The following PDGFD variants were observed in gnomAD, a reference collection of about 807,000 sequenced individuals.
PDGFD encodes platelet derived growth factor D, also known as platelet-derived growth factor D.
A neutral mutation model predicts 44.7 loss-of-function variants in PDGFD; 30 were observed. The ratio of observed to expected loss-of-function variants is 0.67; its 90% CI spans 0.50 to 0.91. PDGFD has a LOEUF of 0.91. Among genes scored for constraint, PDGFD ranks in the 40% least tolerant of loss-of-function variants. The pLI, the probability that PDGFD is intolerant of heterozygous loss-of-function variation, is 0.00. For missense variants in PDGFD, 445 were observed against 457.8 expected, an observed-to-expected ratio of 0.97 and a Z score of 0.25; for synonymous variants, 173 against 168.4, an observed-to-expected ratio of 1.03 and a Z score of -0.21.
intron 1 of PDGFD, among the ~76,000 whole-genome samples, chr11:104,143,126 A>T (rs1862110441): frequency 6.6e-6 from 1 of 152,012 alleles, no homozygotes; most frequent in African/African-American, 2.4e-5. Flanking sequence ...GTATGAAAAA[A>T]TTTTCTTTAT....
chr11:104,081,198 G>T (rs1411075917), intron 1 of PDGFD, among the ~76,000 whole-genome samples: 1 of 151,986 alleles, frequency 6.6e-6, no homozygotes, highest in East Asian at 1.9e-4. Context: ...AGGGTATTTT[G>T]TTATATGCAA....
At chr11:104,026,777 T>C (rs2134386260) in intron 1 of PDGFD, among the ~76,000 whole-genome samples, 1 of 152,338 alleles carries the variant, frequency 6.6e-6, no homozygotes, top group African/African-American at 2.4e-5. Flanking sequence ...GGGATTTGGT[T>C]TTTTAAAAAA....
chr11:104,162,685 A>G (rs1480609577), intron 1 of PDGFD, among the ~76,000 whole-genome samples: 1 of 152,160 alleles, frequency 6.6e-6, no homozygotes, highest in African/African-American at 2.4e-5. Flanking sequence ...AAAGTCCAAA[A>G]GTCATTTAGT....
intron 1 of PDGFD, among the ~76,000 whole-genome samples, chr11:104,039,734 T>C (rs894562262): frequency 2.0e-5 from 3 of 152,160 alleles, no homozygotes; most frequent in Non-Finnish European, 2.9e-5. Context: ...AAAATGCTTA[T>C]GAATAAATTT....
At chr11:103,995,841 T>C (rs1859526598) in intron 3 of PDGFD, among the ~76,000 whole-genome samples, 1 of 152,236 alleles carries the variant, frequency 6.6e-6, no homozygotes. Flanking sequence ...CTATGTACTA[T>C]GATCTCTTTC....
chr11:104,053,797 T>C (rs557643979), intron 1 of PDGFD, among the ~76,000 whole-genome samples: 1 of 152,244 alleles, frequency 6.6e-6, no homozygotes, highest in African/African-American at 2.4e-5. Flanking sequence ...TCTGTAAAAT[T>C]TGATGAATCT....
At chr11:103,919,602 G>A (rs959210964) in intron 6 of PDGFD, among the ~76,000 whole-genome samples, 14 of 135,818 alleles carry the variant, frequency 1.0e-4, no homozygotes, top group Non-Finnish European at 1.8e-4. Context: ...TCCACCTCCC[G>A]GGTTCAAGTG....
At chr11:104,155,211 C>T (rs1268322623) in intron 1 of PDGFD, among the ~76,000 whole-genome samples, 1 of 152,184 alleles carries the variant, frequency 6.6e-6, no homozygotes, top group Non-Finnish European at 1.5e-5. Flanking sequence ...GAAATACATA[C>T]ATACTTAAGG....
Position 103,909,710 on chromosome 11 carries a change from G to C in PDGFD, c.1097C>G (p.Ser366Ter). 6.2e-7 allele frequency: 1 copy of C among 1,614,028 alleles called. No individual in the cohort carries two copies. Among genetic ancestry groups the C allele is most frequent in the Non-Finnish European group, 8.5e-7 (1 of 1,179,918 alleles). ...HHERCDCICS[S>*]RPPR The stretch of plus-strand genomic sequence containing the variant: ...CACATTCTCTTATCGAGGTGGTCTT[G>C]AGCTGCAGATACAATCACATCGTTC... Residue 366 changes from serine (S) to a stop codon, truncating the protein, a stop_gained, in exon 7 of 7, where the codon TCA becomes TGA. Coordinates refer to ENST00000393158, the MANE Select transcript of PDGFD (RefSeq NM_025208.5). LOFTEE classifies it high-confidence loss of function.
intron 4 of PDGFD, among the ~76,000 whole-genome samples, chr11:103,944,112 AGAT>A (rs1247585094): frequency 1.3e-5 from 2 of 152,154 alleles, no homozygotes; most frequent in Non-Finnish European, 2.9e-5. Context: ...CTGGCATTGC[AGAT>A]GATGTGTGAG....
chr11:104,066,910 C>T (rs1425145129), intron 1 of PDGFD, among the ~76,000 whole-genome samples: 1 of 152,216 alleles, frequency 6.6e-6, no homozygotes, highest in East Asian at 1.9e-4. Context: ...TGTACATCTC[C>T]AAATACTTGC....
At chr11:104,130,054 G>A (rs192803606) in intron 1 of PDGFD, among the ~76,000 whole-genome samples, 2 of 150,464 alleles carry the variant, frequency 1.3e-5, no homozygotes, top group South Asian at 2.1e-4. Flanking sequence ...ACTCAGCATA[G>A]GGAATTAAAG....
intron 3 of PDGFD, among the ~76,000 whole-genome samples, chr11:103,965,678 A>T (rs1278979124): frequency 6.6e-6 from 1 of 152,334 alleles, no homozygotes; most frequent in Middle Eastern, 3.4e-3. Flanking sequence ...TCCAGCTCAC[A>T]ACGTCTATCA....
At chr11:104,138,757 C>G (rs1278027012) in intron 1 of PDGFD, among the ~76,000 whole-genome samples, 6 of 152,088 alleles carry the variant, frequency 3.9e-5, no homozygotes. Context: ...ACATAGGGTA[C>G]AGTATGGAGT....
intron 2 of PDGFD, 68 bp downstream of exon 2, chr11:103,999,983 T>C (rs1465147618): frequency 3.0e-6 from 4 of 1,354,350 alleles, no homozygotes; most frequent in African/African-American, 2.9e-5. Flanking sequence ...TTTGATACGA[T>C]GCTTTAAATT....
intron 1 of PDGFD, among the ~76,000 whole-genome samples, chr11:104,158,746 T>C (rs1409274022): frequency 2.0e-5 from 3 of 151,816 alleles, no homozygotes; most frequent in African/African-American, 7.3e-5. Context: ...GGAAGGAGAA[T>C]GGCGTGAACC....
intron 1 of PDGFD, among the ~76,000 whole-genome samples, chr11:104,133,761 T>G (rs1448452111): frequency 6.6e-6 from 1 of 152,182 alleles, no homozygotes; most frequent in Non-Finnish European, 1.5e-5. Flanking sequence ...GAGTATTTTA[T>G]AAGTTCCAGT....
chr11:104,163,795 G>A lies in PDGFD; in HGVS notation c.124+9C>T. On this transcript the variant is annotated intron_variant, in intron 1 of 6. Coordinates refer to ENST00000393158, the MANE Select transcript of PDGFD (RefSeq NM_025208.5). Reference sequence around the variant, plus strand: ...TTTTTTCAGTTAAAAAATAAAATGAGTCTCTTACCATCTCGCCTGAGGTTG... The same window carrying A: ...TTTTTTCAGTTAAAAAATAAAATGAATCTCTTACCATCTCGCCTGAGGTTG... 2.6e-6 allele frequency: 4 copies of A among 1,521,316 alleles called. No individual in the cohort carries two copies. Among genetic ancestry groups the A allele is most frequent in the Non-Finnish European group, 8.9e-7 (1 of 1,123,054 alleles). 94.2% of individuals were successfully genotyped at this position (1,521,316 alleles called of 1,614,324 possible).
Position 103,909,661 on chromosome 11 carries a change from T to G in PDGFD, c.*33A>C, listed in dbSNP as rs754640117. 1.1e-5 allele frequency: 17 copies of G among 1,612,738 alleles called. No homozygotes were observed. Among genetic ancestry groups the G allele is most frequent in the Non-Finnish European group, 1.4e-5 (16 of 1,178,898 alleles). On this transcript the variant is annotated 3_prime_UTR_variant, in exon 7 of 7. Transcript: ENST00000393158. Reference sequence around the variant, plus strand: ...CTCACCCTCCTTAAACTAAAGGTTCTTTCAGGCTTAATGTAAGGATGTGCA... The same window carrying G: ...CTCACCCTCCTTAAACTAAAGGTTCGTTCAGGCTTAATGTAAGGATGTGCA...
Sources: allele counts gnomAD v4.1 joint callset (sites outside exome capture counted in the v4.1 genomes callset), GRCh38; gene constraint gnomAD v4.1.1; transcripts MANE v1.5; gene names NCBI Gene and HGNC (gene_info 2026-07-23, HGNC 2026-07-21).